SOX6: variants seen among roughly 807,000 people sequenced by gnomAD.
SOX6 encodes transcription factor SOX-6.
In SOX6, 11 loss-of-function variants were observed where a neutral mutation model predicts 97.8. The observed-to-expected ratio is 0.11, with a 90% CI of 0.07 to 0.19. The LOEUF is 0.19. SOX6 is among the 10% of genes least tolerant of loss of function. The pLI is 1.00. For missense variants in SOX6, 810 were observed against 1,039.5 expected, an observed-to-expected ratio of 0.78 and a Z score of 3.04; for synonymous variants, 360 against 371.4, an observed-to-expected ratio of 0.97 and a Z score of 0.35.
intron 15 of SOX6, among the ~76,000 whole-genome samples, chr11:15,980,942 T>C (rs189287696): frequency 1.1e-4 from 16 of 151,378 alleles, no homozygotes; most frequent in Admixed American, 2.7e-4. Flanking sequence ...TCTCCAACTA[T>C]AGAATTCTCT....
At chr11:16,206,199 C>A (rs1852068447) in intron 4 of SOX6, among the ~76,000 whole-genome samples, 1 of 152,012 alleles carries the variant, frequency 6.6e-6, no homozygotes. Flanking sequence ...TAAGAGTATT[C>A]TGCATTATAA....
chr11:16,481,145 T>G (rs1442633883), upstream of SOX6, among the ~76,000 whole-genome samples: 3 of 152,146 alleles, frequency 2.0e-5, no homozygotes, highest in Admixed American at 6.5e-5. Flanking sequence ...TATTATCACT[T>G]TTTTTGCTTG....
chr11:15,991,819 C>A (rs1194850530), intron 13 of SOX6, among the ~76,000 whole-genome samples: 1 of 152,166 alleles, frequency 6.6e-6, no homozygotes, highest in East Asian at 1.9e-4. Flanking sequence ...CTACTCCATA[C>A]CAATAGAGTC....
chr11:16,676,142 T>G, intron 3 of SOX6, among the ~76,000 whole-genome samples: 1 of 152,238 alleles, frequency 6.6e-6, no homozygotes, highest in Non-Finnish European at 1.5e-5. Context: ...TGACCTATTT[T>G]CAGTTTCATG....
chr11:16,349,486 C>T (rs1040875409), intron 1 of SOX6, among the ~76,000 whole-genome samples: 4 of 151,870 alleles, frequency 2.6e-5, no homozygotes, highest in African/African-American at 9.6e-5. Flanking sequence ...CATGGCGGTG[C>T]GCGCCTGTAA....
At chr11:16,560,491 A>G (rs1337360473) in intron 4 of SOX6, among the ~76,000 whole-genome samples, 1 of 147,504 alleles carries the variant, frequency 6.8e-6, no homozygotes, top group Non-Finnish European at 1.5e-5. Context: ...GTTTATACGT[A>G]CATATATGTT....
rs1006111694 is a variant in SOX6, at chr11:16,265,915, GT to G, written c.446-31245del. 3.7e-4 allele frequency among the ~76,000 whole-genome samples: 5 copies of G among 13,538 alleles called. No individual in the cohort carries two copies. The Non-Finnish European group carries it at 0.025, about 68-fold the overall frequency. 8.9% of individuals were successfully genotyped at this position (13,538 alleles called of 152,430 possible). A position where few individuals can be genotyped will look rare whatever the true frequency, so the allele number is the denominator to read the frequency against. ...CTAAAATGAAATGCAGACAGAAAAT[GT>G]AAAAAAAAATGAACAGAGCATCAGT... On this transcript the variant is annotated intron_variant, in intron 3 of 15. Transcript: ENST00000683767.
chr11:16,097,290 G>A (rs1848822658), intron 8 of SOX6, among the ~76,000 whole-genome samples: 1 of 151,804 alleles, frequency 6.6e-6, no homozygotes, highest in South Asian at 2.1e-4. Context: ...GGACATAAGT[G>A]GAGACACAGA....
chr11:16,665,733 C>T (rs912214575), intron 3 of SOX6, among the ~76,000 whole-genome samples: 1 of 152,176 alleles, frequency 6.6e-6, no homozygotes, highest in African/African-American at 2.4e-5. Context: ...AGGCCTTGGA[C>T]AAGACCCAGG....
chr11:16,158,582 GA>G (rs1338105728), intron 6 of SOX6, among the ~76,000 whole-genome samples: 1 of 151,990 alleles, frequency 6.6e-6, no homozygotes, highest in Non-Finnish European at 1.5e-5. Flanking sequence ...TATGTGTGGA[GA>G]GGGGGCACCC....
intron 1 of SOX6, among the ~76,000 whole-genome samples, chr11:16,457,377 C>T (rs1186172112): frequency 1.3e-5 from 2 of 152,084 alleles, no homozygotes; most frequent in Non-Finnish European, 2.9e-5. Context: ...TAGGCTCTTA[C>T]ACAAAGTGAT....
At chr11:16,027,226 G>T (rs567145493) in intron 12 of SOX6, among the ~76,000 whole-genome samples, 22 of 152,056 alleles carry the variant, frequency 1.4e-4, no homozygotes, top group Non-Finnish European at 2.8e-4. Flanking sequence ...GCAGGAATTA[G>T]TATAATTATT....
chr11:16,060,054 C>G (rs1183719807), intron 9 of SOX6, among the ~76,000 whole-genome samples: 2 of 151,870 alleles, frequency 1.3e-5, no homozygotes, highest in Non-Finnish European at 2.9e-5. Context: ...TGCTTTTTAC[C>G]TCAATCATTA....
At chr11:16,463,746 T>G (rs1859977200) in intron 1 of SOX6, among the ~76,000 whole-genome samples, 1 of 152,192 alleles carries the variant, frequency 6.6e-6, no homozygotes, top group Non-Finnish European at 1.5e-5. Context: ...CTCTAGATAT[T>G]TCAAATTGCT....
intron 4 of SOX6, among the ~76,000 whole-genome samples, chr11:16,559,472 G>T (rs551800865): frequency 1.3e-5 from 2 of 151,112 alleles, no homozygotes; most frequent in Admixed American, 1.3e-4. Context: ...ACCAACCAGT[G>T]ACCTTTGATT....
Position 15,988,906 on chromosome 11 carries a change from G to A in SOX6, c.1966+91C>T, listed in dbSNP as rs886836361. ...CTTGCGCCCGCCACAATCTCCCTTA[G>A]GATCCTAGTTATCCCCTTGCTTCCC... On this transcript the variant is annotated intron_variant, in intron 14 of 15. Coordinates refer to ENST00000683767, the MANE Select transcript of SOX6 (RefSeq NM_001367873.1). 6.1e-6 allele frequency: 8 copies of A among 1,304,398 alleles called. No individual in the cohort carries two copies. The African/African-American group carries it at 1.0e-4, about 17-fold the overall frequency. The allele number at this position is 1,304,398 out of a possible 1,614,324, so 80.8% of individuals were successfully genotyped here.
At chr11:16,287,481 C>G in intron 3 of SOX6, among the ~76,000 whole-genome samples, 1 of 152,038 alleles carries the variant, frequency 6.6e-6, no homozygotes, top group East Asian at 1.9e-4. Flanking sequence ...AACTCAAGTA[C>G]TCCACCTGGA....
intron 6 of SOX6, among the ~76,000 whole-genome samples, chr11:16,132,354 GAA>G (rs1564972050): frequency 1.1e-4 from 7 of 61,680 alleles, no homozygotes; most frequent in Admixed American, 4.5e-4. Context: ...AAGAAAGAAA[GAA>G]AGAAAGAAAG....
At chr11:16,132,313 AG>A (rs1849774207) in intron 6 of SOX6, among the ~76,000 whole-genome samples, 1 of 129,530 alleles carries the variant, frequency 7.7e-6, no homozygotes, top group African/African-American at 2.9e-5. Flanking sequence ...GAAGGAAGGA[AG>A]GAAGGAAGGA....
Sources: allele counts gnomAD v4.1 joint callset (sites outside exome capture counted in the v4.1 genomes callset), GRCh38; gene constraint gnomAD v4.1.1; transcripts MANE v1.5; gene names NCBI Gene and HGNC (gene_info 2026-07-23, HGNC 2026-07-21).